ASTN2: variants seen among roughly 807,000 people sequenced by gnomAD.
ASTN2 encodes the protein astrotactin-2.
Under a neutral mutation model 139.8 loss-of-function variants are expected in ASTN2, and 54 were observed. The ratio of observed to expected loss-of-function variants is 0.39; its 90% CI spans 0.31 to 0.48. The LOEUF is 0.48. Ranked by LOEUF, ASTN2 falls within the 20% of genes least tolerant of loss-of-function variation. The pLI is 0.95. For synonymous variants in ASTN2, 756 were observed against 719.5 expected (o/e 1.05, Z -0.81); for missense variants, 1,565 against 1,725.1 (o/e 0.91, Z 1.64).
rs77985726 is a variant in ASTN2, at chr9:117,096,152, C to T, written c.1169-1G>A. The T allele has an allele frequency of 2.4e-5, 39 of 1,613,258 alleles. No individual in the cohort carries two copies. Among genetic ancestry groups the T allele is most frequent in the Non-Finnish European group, 3.0e-5 (35 of 1,179,334 alleles). ...TTGGCTCTCCCAAAGCTGATTCCTC[C>T]TGTGAGTAAGCACAGTCTATCAGTT... is the stretch of plus-strand genomic sequence containing the variant. On this transcript the variant is annotated splice_acceptor_variant, in intron 4 of 22. Coordinates refer to ENST00000313400, the MANE Select transcript of ASTN2 (RefSeq NM_001365068.1). LOFTEE classifies it high-confidence loss of function.
At chr9:116,697,564 G>T in intron 16 of ASTN2, 1 of 762,722 alleles carries the variant, frequency 1.3e-6, no homozygotes, top group Non-Finnish European at 2.1e-6. Flanking sequence ...GTAAGGGAAT[G>T]ACTGAATGAC....
intron 7 of ASTN2, among the ~76,000 whole-genome samples, chr9:116,989,506 A>G (rs753672113): frequency 1.8e-4 from 27 of 151,968 alleles, no homozygotes; most frequent in Non-Finnish European, 3.7e-4. Flanking sequence ...CTGGAATATT[A>G]TACCATTTTA....
Position 116,744,828 on chromosome 9 carries a change from G to A in ASTN2, c.2397-11305C>T, listed in dbSNP as rs1054523934. ...GCTTTGTCCCATCACATATGTCCTC[G>A]GCCTCCTTTCTGCCTCTGCTAGCTG... On this transcript the variant is annotated intron_variant, in intron 13 of 22. Transcript: ENST00000313400. Among the ~76,000 whole-genome samples, 5 of 152,116 alleles carry A rather than the reference G, an allele frequency of 3.3e-5. 1 individual carries two copies. Among genetic ancestry groups the A allele is most frequent in the South Asian group, 4.2e-4 (2 of 4,810 alleles).
intron 20 of ASTN2, among the ~76,000 whole-genome samples, chr9:116,463,044 T>C (rs1266465018): frequency 6.6e-6 from 1 of 152,042 alleles, no homozygotes; most frequent in East Asian, 1.9e-4. Context: ...ATGCCCTGGG[T>C]ATCATCCCCA....
At chr9:116,990,194 G>T (rs1470765641) in intron 7 of ASTN2, among the ~76,000 whole-genome samples, 1 of 149,606 alleles carries the variant, frequency 6.7e-6, no homozygotes, top group Non-Finnish European at 1.5e-5. Context: ...GCACATAAAG[G>T]TGCCACCAAA....
At chr9:116,634,455 T>G (rs1856961049) in intron 17 of ASTN2, among the ~76,000 whole-genome samples, 1 of 151,440 alleles carries the variant, frequency 6.6e-6, no homozygotes, top group Admixed American at 6.6e-5. Context: ...CCGGGCGTGG[T>G]AGCGGGCGCC....
chr9:116,864,029 C>T (rs1190436453), intron 10 of ASTN2, among the ~76,000 whole-genome samples: 2 of 152,100 alleles, frequency 1.3e-5, no homozygotes, highest in African/African-American at 2.4e-5. Flanking sequence ...CTAGGCTTAG[C>T]AAGGTGAAGT....
At chr9:116,648,009 T>C (rs1857692309) in intron 17 of ASTN2, among the ~76,000 whole-genome samples, 1 of 151,014 alleles carries the variant, frequency 6.6e-6, no homozygotes, top group South Asian at 2.1e-4. Flanking sequence ...TCTTTTCTTT[T>C]TTTTTTTTTT....
intron 17 of ASTN2, among the ~76,000 whole-genome samples, chr9:116,621,050 C>A (rs1230834343): frequency 6.6e-6 from 1 of 152,176 alleles, no homozygotes; most frequent in Non-Finnish European, 1.5e-5. Context: ...ACCTTCTTTG[C>A]ACAGTATCAT....
chr9:116,939,971 G>A (rs1018669618), intron 10 of ASTN2, among the ~76,000 whole-genome samples: 2 of 152,192 alleles, frequency 1.3e-5, no homozygotes, highest in Non-Finnish European at 2.9e-5. Context: ...CTGTGGGGAT[G>A]TTGGTGTATG....
chr9:116,760,429 C>G (rs142444648), intron 13 of ASTN2, among the ~76,000 whole-genome samples: 13 of 152,336 alleles, frequency 8.5e-5, no homozygotes, highest in Non-Finnish European at 1.0e-4. Context: ...ATCAAATGAA[C>G]TGATCATTTT....
intron 10 of ASTN2, among the ~76,000 whole-genome samples, chr9:116,871,875 A>G (rs1431222002): frequency 6.6e-6 from 1 of 152,202 alleles, no homozygotes; most frequent in East Asian, 1.9e-4. Context: ...AGCATGAGCC[A>G]CAGTGTAGAA....
intron 5 of ASTN2, among the ~76,000 whole-genome samples, chr9:117,041,060 T>C (rs1049705571): frequency 1.3e-5 from 2 of 151,784 alleles, no homozygotes; most frequent in Non-Finnish European, 2.9e-5. Flanking sequence ...GTACGGGGGG[T>C]GGTTTTGCCT....
chr9:117,336,454 C>T (rs946482422), intron 1 of ASTN2, among the ~76,000 whole-genome samples: 35 of 152,150 alleles, frequency 2.3e-4, no homozygotes, highest in Admixed American at 5.9e-4. Context: ...CCCGATGCAG[C>T]GCTTCCCTAC....
At chr9:117,086,312 C>A (rs578056289) in intron 5 of ASTN2, among the ~76,000 whole-genome samples, 1 of 152,194 alleles carries the variant, frequency 6.6e-6, no homozygotes, top group East Asian at 1.9e-4. Context: ...CGGTGGCTCA[C>A]GCCTGTAATC....
intron 11 of ASTN2, among the ~76,000 whole-genome samples, chr9:116,836,390 A>G (rs2132293288): frequency 6.6e-6 from 1 of 152,192 alleles, no homozygotes; most frequent in Non-Finnish European, 1.5e-5. Context: ...CTCACTATCT[A>G]TCATTGAGAT....
chr9:116,680,931 A>G (rs1274971340), intron 16 of ASTN2, among the ~76,000 whole-genome samples: 2 of 152,190 alleles, frequency 1.3e-5, no homozygotes, highest in African/African-American at 4.8e-5. Context: ...TGAATAGACA[A>G]AAACTGGAAG....
chr9:117,385,371 AT>A (rs1830370310), intron 1 of ASTN2, among the ~76,000 whole-genome samples: 2 of 152,102 alleles, frequency 1.3e-5, no homozygotes, highest in Admixed American at 6.6e-5. Flanking sequence ...AAATAAAATA[AT>A]TTTTAACTGT....
chr9:116,656,722 ACTC>A (rs1221605515), intron 16 of ASTN2, among the ~76,000 whole-genome samples: 1 of 147,676 alleles, frequency 6.8e-6, no homozygotes, highest in African/African-American at 2.5e-5. Context: ...TGAAGTGACA[ACTC>A]CTTGTTGGGA....
Sources: allele counts gnomAD v4.1 joint callset (sites outside exome capture counted in the v4.1 genomes callset), GRCh38; gene constraint gnomAD v4.1.1; transcripts MANE v1.5; gene names NCBI Gene and HGNC (gene_info 2026-07-23, HGNC 2026-07-21).